EYS: variants seen among roughly 807,000 people sequenced by gnomAD.
EYS encodes the protein EGF-like photoreceptor maintenance factor.
A neutral mutation model predicts 282.1 loss-of-function variants in EYS; 250 were observed. That is an observed-to-expected ratio of 0.89 (90% CI 0.80 to 0.98). The LOEUF is 0.98. Among genes scored for constraint, EYS ranks in the 50% least tolerant of loss-of-function variants. EYS has a pLI of 0.00. For missense variants in EYS, 4,016 were observed against 3,709.0 expected, an observed-to-expected ratio of 1.08 and a Z score of -2.15; for synonymous variants, 1,355 against 1,282.9, an observed-to-expected ratio of 1.06 and a Z score of -1.20.
At chr6:64,968,542 C>T (rs1467180897) in intron 14 of EYS, among the ~76,000 whole-genome samples, 2 of 152,068 alleles carry the variant, frequency 1.3e-5, no homozygotes, top group African/African-American at 2.4e-5. Context: ...GAATTGTTAC[C>T]TGAGAGGGTC....
intron 2 of EYS, among the ~76,000 whole-genome samples, chr6:65,586,344 A>G (rs986031182): frequency 3.3e-5 from 5 of 152,100 alleles, no homozygotes; most frequent in Non-Finnish European, 7.4e-5. Context: ...ACAAGAATTA[A>G]AAACTAAAAT....
chr6:64,139,843 C>T (rs1582328203), intron 31 of EYS, among the ~76,000 whole-genome samples: 2 of 152,038 alleles, frequency 1.3e-5, no homozygotes, highest in South Asian at 4.2e-4. Flanking sequence ...GTGGCAGGCG[C>T]CTGTAATCCT....
chr6:65,256,390 G>A (rs1767465473), intron 12 of EYS, among the ~76,000 whole-genome samples: 1 of 138,534 alleles, frequency 7.2e-6, no homozygotes, highest in East Asian at 2.1e-4. Flanking sequence ...TCTAGCATTA[G>A]GTATATCTCC....
chr6:64,955,032 T>C lies in EYS; in HGVS notation c.2260-9118A>G, dbSNP rs9453128. Among the ~76,000 whole-genome samples the C allele has an allele frequency of 8.6e-3, 1,307 of 151,832 alleles. 16 individuals carry two copies. The highest frequency in any genetic ancestry group is 0.029 in the African/African-American group (1,208 of 41,412). ...AAAAATACAATACAAAACAAAAAAT[T>C]AGCCGGGCATGGTGGCAGGCACCTG... On this transcript the variant is annotated intron_variant, in intron 14 of 42. Transcript: ENST00000503581.
chr6:65,511,984 C>CAAA (rs11368301), intron 2 of EYS, among the ~76,000 whole-genome samples: 19 of 94,822 alleles, frequency 2.0e-4, no homozygotes, highest in African/African-American at 6.0e-4. Flanking sequence ...AACTCTGTCT[C>CAAA]AAAAAAAAAA....
At chr6:65,595,511 T>A (rs1399416654) in intron 2 of EYS, among the ~76,000 whole-genome samples, 1 of 151,936 alleles carries the variant, frequency 6.6e-6, no homozygotes, top group Non-Finnish European at 1.5e-5. Flanking sequence ...CTTAAGCCAA[T>A]GACCTCCACA....
At chr6:64,125,343 TC>T (rs1773739959) in intron 31 of EYS, among the ~76,000 whole-genome samples, 1 of 151,952 alleles carries the variant, frequency 6.6e-6, no homozygotes. Context: ...GACTGAAGGT[TC>T]CCATGCATGG....
At chr6:65,394,879 C>T (rs918149094) in intron 7 of EYS, among the ~76,000 whole-genome samples, 11 of 152,126 alleles carry the variant, frequency 7.2e-5, no homozygotes, top group Non-Finnish European at 1.6e-4. Context: ...TCATCTTTTC[C>T]TCATGTCCCG....
chr6:64,913,419 C>A (rs921023199), intron 15 of EYS, among the ~76,000 whole-genome samples: 1 of 151,988 alleles, frequency 6.6e-6, no homozygotes, highest in Non-Finnish European at 1.5e-5. Context: ...TCCCTGCTCA[C>A]TTTTGGAGTT....
intron 36 of EYS, among the ~76,000 whole-genome samples, chr6:63,827,477 A>C (rs1290385756): frequency 6.6e-6 from 1 of 152,248 alleles, no homozygotes; most frequent in Non-Finnish European, 1.5e-5. Flanking sequence ...CATTCTATTC[A>C]ACAGTTCTGG....
intron 7 of EYS, among the ~76,000 whole-genome samples, chr6:65,392,455 G>A (rs1766081193): frequency 6.6e-6 from 1 of 152,096 alleles, no homozygotes; most frequent in African/African-American, 2.4e-5. Flanking sequence ...AATCTACAAT[G>A]AACTCAAACA....
At chr6:64,608,600 A>G (rs1767009323) in intron 24 of EYS, among the ~76,000 whole-genome samples, 1 of 152,138 alleles carries the variant, frequency 6.6e-6, no homozygotes, top group Admixed American at 6.6e-5. Context: ...TCACACAAAA[A>G]ACTCCACAAG....
At chr6:65,530,339 T>C (rs992428427) in intron 2 of EYS, among the ~76,000 whole-genome samples, 8 of 152,164 alleles carry the variant, frequency 5.3e-5, no homozygotes, top group Non-Finnish European at 8.8e-5. Flanking sequence ...AACAATGGCC[T>C]GTGGGACTCC....
chr6:64,342,664 G>A (rs956878770), intron 29 of EYS, among the ~76,000 whole-genome samples: 4 of 151,908 alleles, frequency 2.6e-5, no homozygotes, highest in Non-Finnish European at 5.9e-5. Context: ...CAACTAACGA[G>A]CAAAATAAGC....
chr6:64,364,677 A>G (rs1425107911), intron 29 of EYS, among the ~76,000 whole-genome samples: 1 of 150,364 alleles, frequency 6.7e-6, no homozygotes, highest in East Asian at 2.0e-4. Context: ...ATATTGAAGA[A>G]TGTTTACCCA....
At position 65,384,484 on chromosome 6, in the gene EYS, T is replaced by C. The variant is rs1034351749; in HGVS notation, c.1201A>G (p.Thr401Ala). ...DYPCSCISGFTEKNCEKAIDH... is the reference protein window; with the variant it reads ...DYPCSCISGFAEKNCEKAIDH... Reference sequence around the variant, plus strand: ...ATTGCTTTCTCACAGTTTTTTTCAGTAAATCCTGATATACAGCTGTAAATA... The same window carrying C: ...ATTGCTTTCTCACAGTTTTTTTCAGCAAATCCTGATATACAGCTGTAAATA... The change falls in exon 8 of 43, where the codon ACT (threonine) becomes GCT (alanine). Residue 401 changes from threonine to alanine, a missense_variant. Coordinates refer to ENST00000503581, the MANE Select transcript of EYS (RefSeq NM_001142800.2). The C allele has an allele frequency of 1.6e-5, 25 of 1,572,728 alleles. No homozygotes were observed. The highest frequency in any genetic ancestry group is 2.1e-5 in the Non-Finnish European group (24 of 1,144,952).
intron 29 of EYS, among the ~76,000 whole-genome samples, chr6:64,368,601 T>A (rs1772252787): frequency 6.6e-6 from 1 of 152,152 alleles, no homozygotes; most frequent in South Asian, 2.1e-4. Flanking sequence ...ATAATAGCCA[T>A]TCTGATGGTG....
At chr6:63,792,862 T>C (rs1162795277) in intron 37 of EYS, among the ~76,000 whole-genome samples, 2 of 152,162 alleles carry the variant, frequency 1.3e-5, no homozygotes, top group Non-Finnish European at 2.9e-5. Context: ...TACTTTTATC[T>C]TTGAACTGTG....
chr6:65,385,854 C>G (rs1330771404), intron 7 of EYS, among the ~76,000 whole-genome samples: 1 of 151,930 alleles, frequency 6.6e-6, no homozygotes, highest in Non-Finnish European at 1.5e-5. Context: ...CAAATACCAA[C>G]TTAATGAAAG....
Sources: allele counts gnomAD v4.1 joint callset (sites outside exome capture counted in the v4.1 genomes callset), GRCh38; gene constraint gnomAD v4.1.1; transcripts MANE v1.5; gene names NCBI Gene and HGNC (gene_info 2026-07-23, HGNC 2026-07-21).